GPC5: variants seen among roughly 807,000 people sequenced by gnomAD.
GPC5 encodes the protein glypican 5, also known as glypican-5.
In GPC5, 47 loss-of-function variants were observed where a neutral mutation model predicts 53.9. The observed-to-expected ratio is 0.87, with a 90% CI of 0.69 to 1.11. The LOEUF is 1.11. Ranked by LOEUF, GPC5 falls within the 50% of genes most tolerant of loss-of-function variation. The pLI is 0.00. For missense variants in GPC5, 748 were observed against 713.1 expected, an observed-to-expected ratio of 1.05 and a Z score of -0.56; for synonymous variants, 286 against 263.3, an observed-to-expected ratio of 1.09 and a Z score of -0.84.
chr13:91,634,757 A>C (rs9589318), intron 2 of GPC5, among the ~76,000 whole-genome samples: 3,100 of 152,166 alleles, frequency 0.02, 92 homozygotes, highest in African/African-American at 0.071. Context: ...ATAGGGCTTA[A>C]CTAATGTTGA....
chr13:91,740,642 G>T (rs1383894485), intron 4 of GPC5, among the ~76,000 whole-genome samples: 5 of 152,126 alleles, frequency 3.3e-5, no homozygotes, highest in African/African-American at 1.2e-4. Flanking sequence ...AGTTACGGAG[G>T]TCTCCAAAGT....
chr13:92,555,417 A>G (rs573867521), intron 7 of GPC5, among the ~76,000 whole-genome samples: 80 of 151,644 alleles, frequency 5.3e-4, no homozygotes, highest in African/African-American at 1.9e-3. Context: ...TCAAATGTCC[A>G]TTCATTATTT....
chr13:92,446,925 GTCT>G (rs1163477274), intron 7 of GPC5: 1 of 152,116 alleles, frequency 6.6e-6, no homozygotes, highest in African/African-American at 2.4e-5. Flanking sequence ...CCATTTGTAT[GTCT>G]TCTTTTCAGA....
intron 7 of GPC5, among the ~76,000 whole-genome samples, chr13:92,336,687 A>G (rs1405662531): frequency 6.6e-6 from 1 of 152,216 alleles, no homozygotes; most frequent in Non-Finnish European, 1.5e-5. Context: ...CCATAATGGT[A>G]TATAGTGATG....
At chr13:91,906,529 T>C (rs2039554813) in intron 5 of GPC5, among the ~76,000 whole-genome samples, 1 of 152,020 alleles carries the variant, frequency 6.6e-6, no homozygotes, top group Admixed American at 6.6e-5. Context: ...AAATCTATGG[T>C]TTTTTAAAAA....
chr13:92,480,451 A>G (rs1566609119), intron 7 of GPC5, among the ~76,000 whole-genome samples: 1 of 152,192 alleles, frequency 6.6e-6, no homozygotes, highest in Non-Finnish European at 1.5e-5. Context: ...TGGCTCCAAG[A>G]AAAAGAAAAC....
At chr13:92,234,684 C>G (rs1280456354) in intron 7 of GPC5, among the ~76,000 whole-genome samples, 2 of 152,054 alleles carry the variant, frequency 1.3e-5, no homozygotes, top group African/African-American at 4.8e-5. Flanking sequence ...TTGTATGGAT[C>G]CATTGCAGCA....
chr13:92,044,122 G>T (rs1240167426), intron 6 of GPC5, among the ~76,000 whole-genome samples: 2 of 152,082 alleles, frequency 1.3e-5, no homozygotes, highest in African/African-American at 4.8e-5. Context: ...ATTCTTCTTA[G>T]TTCTACCCTG....
intron 7 of GPC5, among the ~76,000 whole-genome samples, chr13:92,521,327 T>A (rs1174432430): frequency 6.6e-6 from 1 of 152,172 alleles, no homozygotes; most frequent in African/African-American, 2.4e-5. Context: ...AAGACAATCC[T>A]AAGCCAAAAG....
At chr13:92,583,596 G>C (rs1883438842) in intron 7 of GPC5, among the ~76,000 whole-genome samples, 1 of 152,188 alleles carries the variant, frequency 6.6e-6, no homozygotes, top group African/African-American at 2.4e-5. Context: ...CTGGAACCCA[G>C]CATGAGACAG....
chr13:92,133,215 T>G (rs2041758688), intron 6 of GPC5, among the ~76,000 whole-genome samples: 1 of 152,166 alleles, frequency 6.6e-6, no homozygotes, highest in Non-Finnish European at 1.5e-5. Flanking sequence ...CATATCTTTG[T>G]CTACAATTTT....
At chr13:91,955,897 C>T (rs2040068523) in intron 6 of GPC5, among the ~76,000 whole-genome samples, 1 of 152,188 alleles carries the variant, frequency 6.6e-6, no homozygotes. Flanking sequence ...TTACTACCAG[C>T]AGGGTCAAAG....
chr13:92,430,034 G>T (rs1433914382), intron 7 of GPC5, among the ~76,000 whole-genome samples: 1 of 151,334 alleles, frequency 6.6e-6, no homozygotes, highest in Non-Finnish European at 1.5e-5. Flanking sequence ...GGATGATTTA[G>T]CCATTTCACA....
intron 5 of GPC5, among the ~76,000 whole-genome samples, chr13:91,778,559 A>C (rs1186767438): frequency 6.6e-6 from 1 of 152,132 alleles, no homozygotes; most frequent in Non-Finnish European, 1.5e-5. Flanking sequence ...ACAAATATCA[A>C]TACAGTTATT....
intron 7 of GPC5, among the ~76,000 whole-genome samples, chr13:92,307,633 G>A (rs145465638): frequency 1.3e-5 from 2 of 152,244 alleles, no homozygotes; most frequent in East Asian, 3.9e-4. Flanking sequence ...TCCCCCTAGG[G>A]CTCAAACTTG....
intron 7 of GPC5, among the ~76,000 whole-genome samples, chr13:92,182,422 T>C (rs1220003807): frequency 6.6e-6 from 1 of 152,230 alleles, no homozygotes; most frequent in African/African-American, 2.4e-5. Context: ...CTCAATGTTT[T>C]GTTAATGTGA....
intron 4 of GPC5, among the ~76,000 whole-genome samples, chr13:91,754,283 T>C (rs1236894298): frequency 6.6e-6 from 1 of 152,126 alleles, no homozygotes; most frequent in Admixed American, 6.5e-5. Context: ...TTTTAGAAAG[T>C]GACTGTCATT....
intron 7 of GPC5, among the ~76,000 whole-genome samples, chr13:92,147,149 T>TTTAA (rs147660447): frequency 0.56 from 84,731 of 151,130 alleles, 23,943 homozygotes; most frequent in South Asian, 0.78. Flanking sequence ...CAAATTATAA[T>TTTAA]TTATGTGAGG....
At chr13:92,185,434 C>A (rs1292824118) in intron 7 of GPC5, among the ~76,000 whole-genome samples, 2 of 152,132 alleles carry the variant, frequency 1.3e-5, no homozygotes, top group African/African-American at 4.8e-5. Context: ...CCACTATGGG[C>A]AATGCCTCAG....
Sources: allele counts gnomAD v4.1 joint callset (sites outside exome capture counted in the v4.1 genomes callset), GRCh38; gene constraint gnomAD v4.1.1; transcripts MANE v1.5; gene names NCBI Gene and HGNC (gene_info 2026-07-23, HGNC 2026-07-21).